PCDH7: variants seen among roughly 807,000 people sequenced by gnomAD.
PCDH7 encodes the protein protocadherin 7.
PCDH7 carries 17 observed loss-of-function variants against 58.9 expected under a neutral mutation model. That is an observed-to-expected ratio of 0.29 (90% CI 0.20 to 0.43). The LOEUF (loss-of-function observed/expected upper bound fraction) is 0.43. Among genes scored for constraint, PCDH7 ranks in the 20% least tolerant of loss-of-function variants. The probability of loss-of-function intolerance (pLI) is 1.00; values close to 1 mark genes in which losing one functional copy is unlikely to be tolerated. For missense variants in PCDH7, 1,274 were observed against 1,441.0 expected, an observed-to-expected ratio of 0.88 and a Z score of 1.88; for synonymous variants, 664 against 616.4, an observed-to-expected ratio of 1.08 and a Z score of -1.14.
chr4:31,023,641 G>A (rs143364675), intron 3 of PCDH7, among the ~76,000 whole-genome samples: 4 of 152,098 alleles, frequency 2.6e-5, no homozygotes, highest in South Asian at 2.1e-4. Context: ...TATTCATTTC[G>A]CTGCTCTCCT....
chr4:30,973,821 C>G (rs974958897), intron 3 of PCDH7, among the ~76,000 whole-genome samples: 2 of 151,344 alleles, frequency 1.3e-5, no homozygotes, highest in African/African-American at 4.9e-5. Context: ...GAAAAATTAC[C>G]CAAATGGATT....
intron 3 of PCDH7, among the ~76,000 whole-genome samples, chr4:31,067,156 G>A (rs1758154420): frequency 6.6e-6 from 1 of 151,924 alleles, no homozygotes; most frequent in African/African-American, 2.4e-5. Context: ...CAGCTGTGAA[G>A]CGTGTTAAAA....
chr4:30,776,774 C>T (rs1722120273), intron 1 of PCDH7, among the ~76,000 whole-genome samples: 1 of 151,860 alleles, frequency 6.6e-6, no homozygotes, highest in Admixed American at 6.6e-5. Flanking sequence ...ATGAGGAAAA[C>T]CTACAGGCTT....
chr4:30,747,011 G>A (rs1717868834), intron 1 of PCDH7, among the ~76,000 whole-genome samples: 1 of 152,070 alleles, frequency 6.6e-6, no homozygotes, highest in Non-Finnish European at 1.5e-5. Flanking sequence ...GCAGTATAAT[G>A]AATCATTTGA....
chr4:31,065,654 T>C (rs1000654881), intron 3 of PCDH7, among the ~76,000 whole-genome samples: 4 of 152,084 alleles, frequency 2.6e-5, no homozygotes, highest in Middle Eastern at 6.8e-3. Context: ...ACGTACCGAG[T>C]AGTAAGTCTT....
intron 1 of PCDH7, among the ~76,000 whole-genome samples, chr4:30,740,882 C>CT (rs5857202): frequency 0.85 from 128,465 of 151,668 alleles, 54,645 homozygotes; most frequent in African/African-American, 0.87. Flanking sequence ...ATGATACATG[C>CT]TTTTTTTTCA....
rs536326249 is a variant in PCDH7, at chr4:30,962,272, A to T, written c.*7+12057A>T. Among the ~76,000 whole-genome samples the T allele has an allele frequency of 2.6e-5, 4 of 152,334 alleles. No individual in the cohort carries two copies. In the East Asian group the frequency reaches 7.7e-4, roughly 29 times the overall value. Reference sequence around the variant, plus strand: ...AATTGATAGAAGTTCAGGAAATATGACAAAATGATGGCAAAACTCCTGCCA... The same window carrying T: ...AATTGATAGAAGTTCAGGAAATATGTCAAAATGATGGCAAAACTCCTGCCA... On this transcript the variant is annotated intron_variant, in intron 3 of 3. Coordinates refer to the PCDH7 transcript ENST00000509759.
downstream of PCDH7, among the ~76,000 whole-genome samples, chr4:30,734,223 AT>A (rs570163255): frequency 2.6e-4 from 39 of 150,620 alleles, no homozygotes; most frequent in Non-Finnish European, 2.7e-4. Flanking sequence ...TAGAAAATGT[AT>A]TAATTTTCTA....
chr4:30,922,536 A>T (rs576212518), intron 2 of PCDH7, among the ~76,000 whole-genome samples: 1 of 152,130 alleles, frequency 6.6e-6, no homozygotes, highest in Non-Finnish European at 1.5e-5. Flanking sequence ...TGACAAACAC[A>T]TATCGGTTAC....
intron 3 of PCDH7, among the ~76,000 whole-genome samples, chr4:31,033,282 T>C (rs183569786): frequency 2.0e-5 from 3 of 152,332 alleles, no homozygotes; most frequent in African/African-American, 7.2e-5. Context: ...TATCAAACTA[T>C]GTGCAGCAGC....
intron 3 of PCDH7, among the ~76,000 whole-genome samples, chr4:30,952,378 T>C (rs1747445070): frequency 6.6e-6 from 1 of 151,822 alleles, no homozygotes; most frequent in South Asian, 2.1e-4. Context: ...AAAGAGGCTA[T>C]GCTTGAATAG....
At chr4:31,037,212 G>C (rs976167545) in intron 3 of PCDH7, among the ~76,000 whole-genome samples, 1 of 152,032 alleles carries the variant, frequency 6.6e-6, no homozygotes, top group Non-Finnish European at 1.5e-5. Context: ...TCTCTGCCTT[G>C]TTCTCTATCC....
chr4:31,136,377 C>T (rs1186089454), intron 3 of PCDH7, among the ~76,000 whole-genome samples: 2 of 152,144 alleles, frequency 1.3e-5, no homozygotes, highest in Non-Finnish European at 2.9e-5. Flanking sequence ...ACAGCTTCTA[C>T]GTGGTTGAGC....
intron 1 of PCDH7, among the ~76,000 whole-genome samples, chr4:30,865,119 C>T (rs1734708440): frequency 6.6e-6 from 1 of 151,748 alleles, no homozygotes; most frequent in Non-Finnish European, 1.5e-5. Context: ...TAACAAGTGA[C>T]ATAACACAGT....
At position 30,805,735 on chromosome 4, in the gene PCDH7, C is replaced by T. The variant is rs147931118; in HGVS notation, c.70+81139C>T. On this transcript the variant is annotated intron_variant, in intron 1 of 3. Transcript: ENST00000509759. ...TGCTGTTCCAACCTATCAGTCATTA[C>T]GTTATTTTTACTTCAAAATTTTATA... Among the ~76,000 whole-genome samples, 110 of 152,214 alleles carry T rather than the reference C, an allele frequency of 7.2e-4. 1 individual carries two copies. The highest frequency in any genetic ancestry group is 2.4e-3 in the African/African-American group (99 of 41,520).
chr4:31,074,064 A>G (rs894137033), intron 3 of PCDH7, among the ~76,000 whole-genome samples: 5 of 151,808 alleles, frequency 3.3e-5, no homozygotes, highest in Admixed American at 3.3e-4. Context: ...CAAGATTCAC[A>G]TGGTTGTTTT....
intron 3 of PCDH7, among the ~76,000 whole-genome samples, chr4:31,030,122 C>A (rs531900141): frequency 4.6e-4 from 47 of 102,522 alleles, no homozygotes; most frequent in African/African-American, 2.1e-4. Context: ...GTGTGGGTTG[C>A]GTGTGTATGT....
At chr4:30,853,040 G>A (rs975733343) in intron 1 of PCDH7, among the ~76,000 whole-genome samples, 2 of 152,008 alleles carry the variant, frequency 1.3e-5, no homozygotes, top group Non-Finnish European at 2.9e-5. Flanking sequence ...ATGTTATTGA[G>A]AAAGTGACAT....
intron 1 of PCDH7, among the ~76,000 whole-genome samples, chr4:30,783,721 T>C (rs1313387836): frequency 6.6e-6 from 1 of 152,174 alleles, no homozygotes; most frequent in Non-Finnish European, 1.5e-5. Context: ...CATAATTCAG[T>C]TTTCTTCTCC....
Sources: allele counts gnomAD v4.1 joint callset (sites outside exome capture counted in the v4.1 genomes callset), GRCh38; gene constraint gnomAD v4.1.1; transcripts MANE v1.5; gene names NCBI Gene and HGNC (gene_info 2026-07-23, HGNC 2026-07-21).